FSIP2: variants seen among roughly 807,000 people sequenced by gnomAD.
FSIP2 encodes fibrous sheath-interacting protein 2.
FSIP2 carries 367 observed loss-of-function variants against 510.5 expected under a neutral mutation model. The observed-to-expected ratio is 0.72, with a 90% CI of 0.66 to 0.78. The LOEUF is 0.78. FSIP2 is among the 30% of genes least tolerant of loss of function. FSIP2 has a pLI of 0.00. For missense variants in FSIP2, 7,594 were observed against 7,901.7 expected (o/e 0.96, Z 1.48); for synonymous variants, 2,601 against 2,732.2 (o/e 0.95, Z 1.50).
Position 185,800,216 on chromosome 2 carries a change from A to G in FSIP2, c.10910A>G (p.His3637Arg), listed in dbSNP as rs1255640723. 2.6e-6 allele frequency: 4 copies of G among 1,531,740 alleles called. No homozygotes were observed. The highest frequency in any genetic ancestry group is 1.4e-5 in the African/African-American group (1 of 72,848). 94.9% of individuals were successfully genotyped at this position (1,531,740 alleles called of 1,614,324 possible). A position where few individuals can be genotyped will look rare whatever the true frequency, so the allele number is the denominator to read the frequency against. ...GTAAGAAACAAATCATTTTCTATGC[A>G]TAGAAATAATAGTGTACCCCTTTGC... Reference protein sequence around the residue: ...SNVRNKSFSMHRNNSVPLCNK... With the variant: ...SNVRNKSFSMRRNNSVPLCNK... The change falls in exon 17 of 23, where the codon CAT (histidine) becomes CGT (arginine). Residue 3637 changes from histidine to arginine, a missense_variant. Transcript: ENST00000424728.
In FSIP2 at chr2:185,782,982, ATAGTCAGG is replaced by A. The variant is rs1170604260; in HGVS notation, c.1469+221_1469+228del. ...CCTTCTCCTTATCTATAATCCAGCT[ATAGTCAGG>A]GTCTCCATGCCACTTTCAAGTGTAT... On this transcript the variant is annotated intron_variant, in intron 14 of 22. Coordinates refer to ENST00000424728, the MANE Select transcript of FSIP2 (RefSeq NM_173651.4). 2.6e-5 allele frequency among the ~76,000 whole-genome samples: 4 copies of A among 152,262 alleles called. No individual in the cohort carries two copies. In the East Asian group the frequency reaches 5.8e-4, roughly 22 times the overall value.
intron 2 of FSIP2, among the ~76,000 whole-genome samples, chr2:185,742,724 A>G (rs1041249488): frequency 5.9e-5 from 9 of 152,218 alleles, no homozygotes; most frequent in African/African-American, 2.2e-4. Flanking sequence ...TTGAAATATA[A>G]TCATAATTAC....
rs868173066 is a variant in FSIP2, at chr2:185,799,897, C to T, written c.10591C>T (p.Gln3531Ter). 6.5e-7 allele frequency: 1 copy of T among 1,533,648 alleles called. No homozygotes were observed. Among genetic ancestry groups the T allele is most frequent in the Non-Finnish European group, 8.7e-7 (1 of 1,145,434 alleles). ...GREKEKAWEI[Q>*]EATFSKIISI... ...AGAAAAAGAGAAAGCATGGGAAATT[C>T]AAGAAGCAACATTTAGCAAGATTAT... The change falls in exon 17 of 23, where the codon CAA (glutamine) becomes TAA (stop). Residue 3531 changes from glutamine to a stop codon, truncating the protein, a stop_gained. Coordinates refer to ENST00000424728, the MANE Select transcript of FSIP2 (RefSeq NM_173651.4). LOFTEE classifies it high-confidence loss of function.
rs576090452 is a variant in FSIP2 at position 185,773,622 on chromosome 2, G to C, written c.1411+9057G>C. On this transcript the variant is annotated intron_variant, in intron 13 of 22. Transcript: ENST00000424728. ...TTGTCTGTAGTGTCAAATCACACCA[G>C]TAAGTTTTTAATCTCAGATAATGAG... Among the ~76,000 whole-genome samples, 7 of 152,286 alleles carry C rather than the reference G, an allele frequency of 4.6e-5. 1 individual carries two copies. The East Asian group carries it at 1.4e-3, about 29-fold the overall frequency.
chr2:185,769,114 T>C (rs575222376), intron 13 of FSIP2, among the ~76,000 whole-genome samples: 1 of 152,324 alleles, frequency 6.6e-6, no homozygotes, highest in South Asian at 2.1e-4. Context: ...TGTGTCTTTA[T>C]GATAGAATGG....
Position 185,791,517 on chromosome 2 carries a change from C to T in FSIP2, c.4381C>T (p.Gln1461Ter). The T allele has an allele frequency of 6.5e-7, 1 of 1,534,386 alleles. No individual in the cohort carries two copies. Among genetic ancestry groups the T allele is most frequent in the Non-Finnish European group, 8.7e-7 (1 of 1,145,642 alleles). The change falls in exon 16 of 23, where the codon CAA becomes TAA. Residue 1461 changes from glutamine (Q) to a stop codon, truncating the protein, a stop_gained. Transcript: ENST00000424728. LOFTEE classifies it high-confidence loss of function. ...TCATTCTCAGCTATCTTGTAGTCAACAAAGCAGAGAGATGACCAATAAGAA... is the reference window on the plus strand; with the variant it reads ...TCATTCTCAGCTATCTTGTAGTCAATAAAGCAGAGAGATGACCAATAAGAA... The part of the protein sequence containing the change: ...HLHSQLSCSQ[Q>*]SREMTNKNQK...
chr2:185,761,856 T>C, intron 10 of FSIP2, 116 bp from the exon 11 acceptor site: 1 of 524,020 alleles, frequency 1.9e-6, no homozygotes, highest in Non-Finnish European at 3.4e-6. Context: ...TTTTATGAGT[T>C]ACTGGTTAAA....
Position 185,802,045 on chromosome 2 carries a change from G to A in FSIP2, c.12739G>A (p.Ala4247Thr), listed in dbSNP as rs1193132117. The A allele has an allele frequency of 2.0e-6, 3 of 1,531,966 alleles. No homozygotes were observed. The highest frequency in any genetic ancestry group is 2.6e-6 in the Non-Finnish European group (3 of 1,144,792). The allele number at this position is 1,531,966 out of a possible 1,614,324, so 94.9% of individuals were successfully genotyped here. Residue 4247 changes from alanine to threonine, a missense_variant, in exon 17 of 23, where the codon GCC becomes ACC. Transcript: ENST00000424728. Reference sequence around the variant, plus strand: ...AAGCCCAATTATGATTGACCAAATAGCCAGCTTTATCATCCAAGAGATTAT... The same window carrying A: ...AAGCCCAATTATGATTGACCAAATAACCAGCTTTATCATCCAAGAGATTAT... ...SRSPIMIDQIASFIIQEIIEN... is the reference protein window; with the variant it reads ...SRSPIMIDQITSFIIQEIIEN...
chr2:185,796,463 T>C lies in FSIP2; in HGVS notation c.9327T>C (p.Ile3109=). The change falls in exon 16 of 23, where the codon ATT becomes ATC. Residue 3109 remains isoleucine, a synonymous_variant. Transcript: ENST00000424728. ...NEISQMEPSS[I]SILKENIVAS... ...TAAGCCAAATGGAACCATCTTCAAT[T>C]AGCATATTGAAAGAGAACATTGTAG... The C allele has an allele frequency of 6.5e-7, 1 of 1,534,908 alleles. No homozygotes were observed. Among genetic ancestry groups the C allele is most frequent in the Middle Eastern group, 1.7e-4 (1 of 5,976 alleles).
Position 185,809,034 on chromosome 2 carries a change from G to C in FSIP2, c.19728G>C (p.Gly6576=). The C allele has an allele frequency of 6.2e-7, 1 of 1,612,526 alleles. No homozygotes were observed. The highest frequency in any genetic ancestry group is 8.5e-7 in the Non-Finnish European group (1 of 1,179,362). The change falls in exon 17 of 23, where the codon GGG becomes GGC. Residue 6576 remains glycine, a synonymous_variant. Transcript: ENST00000424728. ...AACTGAGAAGAGCATCAATAAGTGG[G>C]AGAAATTACTCCTTAGGATCACCTG... ...IAELRRASIS[G]RNYSLGSPDL...
chr2:185,768,943 C>T (rs1052190388), intron 13 of FSIP2, among the ~76,000 whole-genome samples: 3 of 152,118 alleles, frequency 2.0e-5, no homozygotes, highest in African/African-American at 7.2e-5. Context: ...CATCCATGTT[C>T]CTGCAAAGGA....
Position 185,808,436 on chromosome 2 carries a change from A to T in FSIP2, c.19130A>T (p.Glu6377Val), listed in dbSNP as rs1693643364. Residue 6377 changes from glutamate to valine, a missense_variant, in exon 17 of 23, where the codon GAG (glutamate) becomes GTG (valine). By Grantham distance (121) the Glu-to-Val change is moderately radical. Coordinates refer to ENST00000424728, the MANE Select transcript of FSIP2 (RefSeq NM_173651.4). ...GATGAAAAAAACTTATCAAAGACTG[A>T]GTTAAATAAAATTGCATCTCAACTG... Reference protein sequence around the residue: ...SKDEKNLSKTELNKIASQLSK... With the variant: ...SKDEKNLSKTVLNKIASQLSK... 6.2e-7 allele frequency: 1 copy of T among 1,606,012 alleles called. No homozygotes were observed. Among genetic ancestry groups the T allele is most frequent in the Non-Finnish European group, 8.5e-7 (1 of 1,177,708 alleles).
At chr2:185,821,082 A>AG (rs145629808) in intron 19 of FSIP2, among the ~76,000 whole-genome samples, 2 of 147,292 alleles carry the variant, frequency 1.4e-5, no homozygotes, top group African/African-American at 5.0e-5. Flanking sequence ...CTAAGGAAAG[A>AG]AAGACTCAGC....
rs1449422060 is a variant in FSIP2, at chr2:185,801,606, C to CA, written c.12301dup (p.Ile4101AsnfsTer11). The CA allele has an allele frequency of 6.5e-7, 1 of 1,533,324 alleles. No individual in the cohort carries two copies. The highest frequency in any genetic ancestry group is 8.7e-7 in the Non-Finnish European group (1 of 1,145,316). 95.0% of individuals were successfully genotyped at this position (1,533,324 alleles called of 1,614,324 possible). A position where few individuals can be genotyped will look rare whatever the true frequency, so the allele number is the denominator to read the frequency against. The stretch of plus-strand genomic sequence containing the variant: ...TGCCATCTTGCTTCAAGGAACATCT[C>CA]ATACCCCATTCATATTACCCTCTCA... On this transcript the variant is annotated frameshift_variant, in exon 17 of 23. Coordinates refer to ENST00000424728, the MANE Select transcript of FSIP2 (RefSeq NM_173651.4). LOFTEE classifies it high-confidence loss of function.
Position 185,796,553 on chromosome 2 carries a change from C to A in FSIP2, c.9417C>A (p.Asn3139Lys). Residue 3139 changes from asparagine to lysine, a missense_variant, in exon 16 of 23, where the codon AAC becomes AAA. Asn to Lys is a moderately conservative substitution (Grantham distance 94). Coordinates refer to ENST00000424728, the MANE Select transcript of FSIP2 (RefSeq NM_173651.4). ...ATTTCAATGAGTCTTTGATACAAAACCTTTCAAGAGAAAGTTTGTTCCAAG... is the reference window on the plus strand; with the variant it reads ...ATTTCAATGAGTCTTTGATACAAAAACTTTCAAGAGAAAGTTTGTTCCAAG... Reference protein sequence around the residue: ...CTYFNESLIQNLSRESLFQGA... With the variant: ...CTYFNESLIQKLSRESLFQGA... 1 of 1,534,972 alleles carries A rather than the reference C, an allele frequency of 6.5e-7. No individual in the cohort carries two copies.
In FSIP2 at chr2:185,805,925, CT is replaced by C. The variant is rs1693561016; in HGVS notation, c.16621del (p.Ser5541GlnfsTer5). Reference sequence around the variant, plus strand: ...CATAGTGAGAATGTATCAAAAGTTACTTCAACTACCACTGTGAAAAGTAAAG... The same window carrying C: ...CATAGTGAGAATGTATCAAAAGTTACTCAACTACCACTGTGAAAAGTAAAG... ...QKHSENVSKV[T>X]STTTVKSKDT... On this transcript the variant is annotated frameshift_variant, in exon 17 of 23. Transcript: ENST00000424728. LOFTEE classifies it high-confidence loss of function. 1.3e-6 allele frequency: 2 copies of C among 1,594,578 alleles called. No individual in the cohort carries two copies.
Position 185,789,637 on chromosome 2 carries a change from T to C in FSIP2, c.2501T>C (p.Leu834Pro). ...GCCATTTTAGAAAAGCTAATGACTC[T>C]TGTTTCTTTTAAGCAAAATGAATTT... Reference protein sequence around the residue: ...VHAILEKLMTLVSFKQNEFLH... With the variant: ...VHAILEKLMTPVSFKQNEFLH... Residue 834 changes from leucine to proline, a missense_variant, in exon 16 of 23, where the codon CTT becomes CCT. Coordinates refer to ENST00000424728, the MANE Select transcript of FSIP2 (RefSeq NM_173651.4). The C allele has an allele frequency of 6.5e-7, 1 of 1,534,458 alleles. No homozygotes were observed. Among genetic ancestry groups the C allele is most frequent in the African/African-American group, 1.4e-5 (1 of 73,028 alleles).
chr2:185,771,970 C>T (rs922611618), intron 13 of FSIP2, among the ~76,000 whole-genome samples: 1 of 152,174 alleles, frequency 6.6e-6, no homozygotes, highest in Non-Finnish European at 1.5e-5. Context: ...ATTTGTTCTG[C>T]CAAATACTGT....
Position 185,815,444 on chromosome 2 carries a change from A to G in FSIP2, c.20399A>G (p.Asn6800Ser). 1.4e-6 allele frequency: 2 copies of G among 1,474,328 alleles called. No individual in the cohort carries two copies. Among genetic ancestry groups the G allele is most frequent in the Non-Finnish European group, 1.9e-6 (2 of 1,069,834 alleles). The allele number at this position is 1,474,328 out of a possible 1,614,324, so 91.3% of individuals were successfully genotyped here. ...IHRIMSSSSY[N>S]QEDLISSTGE... ...AGAATTATGAGTTCATCTTCATACA[A>G]CCAAGAAGATCTCATTTCATCTACT... Residue 6800 changes from asparagine (N) to serine (S), a missense_variant, in exon 19 of 23, where the codon AAC (asparagine) becomes AGC (serine). Coordinates refer to ENST00000424728, the MANE Select transcript of FSIP2 (RefSeq NM_173651.4).
Sources: allele counts gnomAD v4.1 joint callset (sites outside exome capture counted in the v4.1 genomes callset), GRCh38; gene constraint gnomAD v4.1.1; transcripts MANE v1.5; gene names NCBI Gene and HGNC (gene_info 2026-07-23, HGNC 2026-07-21).